The following KCNIP4 variants were observed in gnomAD, a reference collection of about 807,000 sequenced individuals.
KCNIP4 encodes potassium voltage-gated channel interacting protein 4, also known as Kv channel-interacting protein 4.
KCNIP4 carries 12 observed loss-of-function variants against 34.0 expected under a neutral mutation model. That is an observed-to-expected ratio of 0.35 (90% CI 0.23 to 0.57). The LOEUF (loss-of-function observed/expected upper bound fraction) is 0.57, where lower values mean the gene tolerates loss of function less well. Among genes scored for constraint, KCNIP4 ranks in the 20% least tolerant of loss-of-function variants. The pLI, the probability that KCNIP4 is intolerant of heterozygous loss-of-function variation, is 0.83. For missense variants in KCNIP4, 238 were observed against 311.7 expected (o/e 0.76, Z 1.78); for synonymous variants, 124 against 102.2 (o/e 1.21, Z -1.29).
At chr4:21,877,355 A>AAAATAAAT (rs369426118) in intron 1 of KCNIP4, among the ~76,000 whole-genome samples, 15 of 152,042 alleles carry the variant, frequency 9.9e-5, no homozygotes, top group African/African-American at 1.7e-4. Context: ...CTCCATCTCA[A>AAAATAAAT]AAATAAATAA....
intron 1 of KCNIP4, among the ~76,000 whole-genome samples, chr4:21,045,126 C>T (rs1742322695): frequency 6.6e-6 from 1 of 152,170 alleles, no homozygotes; most frequent in African/African-American, 2.4e-5. Flanking sequence ...TTACTTCATG[C>T]TCCTCTATGA....
chr4:21,110,095 G>A (rs1749021912), intron 1 of KCNIP4, among the ~76,000 whole-genome samples: 1 of 152,124 alleles, frequency 6.6e-6, no homozygotes, highest in African/African-American at 2.4e-5. Flanking sequence ...ACCCTTTGGT[G>A]CCATCTCTAA....
chr4:21,816,399 G>A (rs1204765716), intron 1 of KCNIP4, among the ~76,000 whole-genome samples: 1 of 152,012 alleles, frequency 6.6e-6, no homozygotes, highest in Non-Finnish European at 1.5e-5. Context: ...AAAAGAAGAG[G>A]AAAGGTGAGG....
chr4:21,216,192 G>T lies in KCNIP4; in HGVS notation c.62-333483C>A, dbSNP rs560949882. On this transcript the variant is annotated intron_variant, in intron 1 of 8. Coordinates refer to ENST00000382152, the MANE Select transcript of KCNIP4 (RefSeq NM_025221.6). ...ATCAGGTTTTTTGGGCTATTAGTTT[G>T]TTTGCTATGAGAGATAACTCCATGG... Among the ~76,000 whole-genome samples, 11 of 152,268 alleles carry T rather than the reference G, an allele frequency of 7.2e-5. No homozygotes were observed. In the South Asian group the frequency reaches 8.3e-4, roughly 11 times the overall value.
At chr4:21,877,915 G>C (rs1453240210) in intron 1 of KCNIP4, among the ~76,000 whole-genome samples, 1 of 152,206 alleles carries the variant, frequency 6.6e-6, no homozygotes, top group Non-Finnish European at 1.5e-5. Context: ...CAAAGAGCCA[G>C]AGCCTTCTCA....
In KCNIP4 at chr4:21,547,953, C is replaced by T. The variant is rs536636587; in HGVS notation, c.61+400618G>A. On this transcript the variant is annotated intron_variant, in intron 1 of 8. Coordinates refer to ENST00000382152, the MANE Select transcript of KCNIP4 (RefSeq NM_025221.6). ...CATCAGAAAGCAAAGGTGTCCCAAT[C>T]TCAACCACCCATGTGGACAATCTGT... 3.3e-5 allele frequency among the ~76,000 whole-genome samples: 5 copies of T among 152,232 alleles called. No homozygotes were observed. In the South Asian group the frequency reaches 1.0e-3, roughly 32 times the overall value.
intron 1 of KCNIP4, among the ~76,000 whole-genome samples, chr4:21,132,565 C>A (rs949283517): frequency 6.6e-6 from 1 of 152,134 alleles, no homozygotes; most frequent in Non-Finnish European, 1.5e-5. Flanking sequence ...GGTTTTCCTG[C>A]TTCCAAGGAA....
chr4:21,339,232 C>A (rs1716486825), intron 1 of KCNIP4, among the ~76,000 whole-genome samples: 2 of 152,108 alleles, frequency 1.3e-5, no homozygotes, highest in Non-Finnish European at 2.9e-5. Flanking sequence ...TGCAGAAATG[C>A]CTATTTGTTC....
At position 21,879,547 on chromosome 4, in the gene KCNIP4, G is replaced by T. The variant is rs548908294; in HGVS notation, c.61+69024C>A. 3.9e-5 allele frequency among the ~76,000 whole-genome samples: 6 copies of T among 152,220 alleles called. No individual in the cohort carries two copies. In the South Asian group the frequency reaches 1.0e-3, roughly 26 times the overall value. On this transcript the variant is annotated intron_variant, in intron 1 of 8. Transcript: ENST00000382152. ...CTCAATAGATCGACTTCATCATTTTGTTCTGTTTTCCTGAATATAAAGTCA... is the reference window on the plus strand; with the variant it reads ...CTCAATAGATCGACTTCATCATTTTTTTCTGTTTTCCTGAATATAAAGTCA...
intron 1 of KCNIP4, among the ~76,000 whole-genome samples, chr4:21,498,115 G>A (rs1733000541): frequency 6.6e-6 from 1 of 152,132 alleles, no homozygotes; most frequent in African/African-American, 2.4e-5. Flanking sequence ...CTATTAGAAT[G>A]AGATTTTGCA....
At chr4:21,038,103 G>A (rs915497116) in intron 1 of KCNIP4, among the ~76,000 whole-genome samples, 6 of 152,088 alleles carry the variant, frequency 3.9e-5, no homozygotes, top group Non-Finnish European at 7.4e-5. Context: ...TCAGCCTCCC[G>A]AGTAGCTGGG....
intron 8 of KCNIP4, 150 bp downstream of exon 8, chr4:20,731,856 A>C: frequency 1.4e-6 from 2 of 1,407,372 alleles, no homozygotes; most frequent in Non-Finnish European, 1.9e-6. Flanking sequence ...GCTTGTTTTC[A>C]GAGTGGTAGG....
intron 3 of KCNIP4, among the ~76,000 whole-genome samples, chr4:20,849,645 G>T (rs1337848556): frequency 6.6e-6 from 1 of 151,928 alleles, no homozygotes; most frequent in Non-Finnish European, 1.5e-5. Context: ...GTTTCAAAAG[G>T]ATCAAAGCAA....
At position 21,038,202 on chromosome 4, in the gene KCNIP4, C is replaced by G. The variant is rs547315510; in HGVS notation, c.62-155493G>C. Reference sequence around the variant, plus strand: ...CACGTTGGCCAGATGGTCTCGATCTCCTGACCTTGTGATCCACCCGCCTCA... The same window carrying G: ...CACGTTGGCCAGATGGTCTCGATCTGCTGACCTTGTGATCCACCCGCCTCA... On this transcript the variant is annotated intron_variant, in intron 1 of 8. Coordinates refer to ENST00000382152, the MANE Select transcript of KCNIP4 (RefSeq NM_025221.6). 5.3e-5 allele frequency among the ~76,000 whole-genome samples: 8 copies of G among 152,120 alleles called. No homozygotes were observed. In the South Asian group the frequency reaches 1.2e-3, roughly 24 times the overall value.
intron 1 of KCNIP4, among the ~76,000 whole-genome samples, chr4:20,992,709 A>G (rs1737187221): frequency 6.6e-6 from 1 of 152,058 alleles, no homozygotes; most frequent in South Asian, 2.1e-4. Context: ...AGCCCTGAAC[A>G]TTCTCAATGG....
At chr4:21,739,622 T>A (rs759639233) in intron 1 of KCNIP4, among the ~76,000 whole-genome samples, 1 of 152,044 alleles carries the variant, frequency 6.6e-6, no homozygotes. Flanking sequence ...AAATAACCAT[T>A]TACTTTCAAG....
At chr4:21,559,963 C>T (rs1200659391) in intron 1 of KCNIP4, among the ~76,000 whole-genome samples, 2 of 152,000 alleles carry the variant, frequency 1.3e-5, no homozygotes, top group African/African-American at 2.4e-5. Context: ...GGAATTATTT[C>T]CTCTTGCTTG....
intron 1 of KCNIP4, among the ~76,000 whole-genome samples, chr4:21,393,401 A>C (rs751100633): frequency 1.3e-5 from 2 of 152,154 alleles, no homozygotes; most frequent in Non-Finnish European, 2.9e-5. Context: ...ACAGTAGGGA[A>C]GCAAAGAAAG....
intron 1 of KCNIP4, among the ~76,000 whole-genome samples, chr4:21,602,734 C>G (rs752653079): frequency 2.0e-5 from 3 of 151,982 alleles, no homozygotes; most frequent in Non-Finnish European, 4.4e-5. Context: ...TTTTGATTTA[C>G]GTATGCCTGT....
Sources: allele counts gnomAD v4.1 joint callset (sites outside exome capture counted in the v4.1 genomes callset), GRCh38; gene constraint gnomAD v4.1.1; transcripts MANE v1.5; gene names NCBI Gene and HGNC (gene_info 2026-07-23, HGNC 2026-07-21).